DMXL1: variants seen among roughly 807,000 people sequenced by gnomAD.
DMXL1 encodes Dmx like 1.
In DMXL1, 99 loss-of-function variants were observed where a neutral mutation model predicts 319.2. The observed-to-expected ratio is 0.31, with a 90% CI of 0.26 to 0.37. DMXL1 has a LOEUF of 0.37. Ranked by LOEUF, DMXL1 falls within the 10% of genes least tolerant of loss-of-function variation. DMXL1 has a pLI of 1.00. For synonymous variants in DMXL1, 1,385 were observed against 1,235.2 expected, an observed-to-expected ratio of 1.12 and a Z score of -2.54; for missense variants, 3,745 against 3,595.6, an observed-to-expected ratio of 1.04 and a Z score of -1.06.
At chr5:119,120,816 TGTTTTTACATATAAAATGTTAAAAGGC>T (rs1386046505) in intron 8 of DMXL1, among the ~76,000 whole-genome samples, 128 bp from the exon 9 acceptor site, 2 of 152,244 alleles carry the variant, frequency 1.3e-5, no homozygotes, top group Non-Finnish European at 2.9e-5. Context: ...TATTGAAAGG[TGTTTTTACATATAAAATGTTAAAAGGC>T]GTTTTTACAT....
chr5:119,130,222 A>G (rs1001352875), intron 10 of DMXL1, among the ~76,000 whole-genome samples: 7 of 152,198 alleles, frequency 4.6e-5, no homozygotes, highest in African/African-American at 1.7e-4. Flanking sequence ...TTTGATAAGT[A>G]TCCTTCCAGT....
rs192620323 is a variant in DMXL1 at position 119,229,602 on chromosome 5, A to T, written c.8339-3738A>T. Among the ~76,000 whole-genome samples the T allele has an allele frequency of 2.1e-3, 315 of 152,326 alleles. 1 individual carries two copies. Among genetic ancestry groups the T allele is most frequent in the African/African-American group, 7.0e-3 (289 of 41,582 alleles). On this transcript the variant is annotated intron_variant, in intron 38 of 43. Transcript: ENST00000539542. ...AACAGTCTGCTTTAGGACAAAAATT[A>T]TTCTTTTTCCCATAAGAAAAACATC...
chr5:119,213,242 G>T (rs1263648361), intron 34 of DMXL1, among the ~76,000 whole-genome samples: 1 of 152,078 alleles, frequency 6.6e-6, no homozygotes, highest in East Asian at 1.9e-4. Flanking sequence ...CAAAATAAGT[G>T]TAGTCAGCAG....
intron 39 of DMXL1, chr5:119,237,070 A>G (rs1787891085): frequency 4.6e-6 from 1 of 216,832 alleles, no homozygotes; most frequent in Non-Finnish European, 9.1e-6. Context: ...TACAGAGAAT[A>G]TATAGACTAT....
chr5:119,196,060 A>G (rs756403813), intron 30 of DMXL1, among the ~76,000 whole-genome samples: 3 of 152,118 alleles, frequency 2.0e-5, no homozygotes, highest in Non-Finnish European at 2.9e-5. Flanking sequence ...TTATTACTAC[A>G]TACCGAAACT....
At chr5:119,095,187 C>A (rs1425749058) in intron 1 of DMXL1, among the ~76,000 whole-genome samples, 2 of 152,090 alleles carry the variant, frequency 1.3e-5, no homozygotes, top group East Asian at 3.9e-4. Context: ...TTAAAATTTA[C>A]CAAGACTACG....
At chr5:119,219,386 C>T (rs917418550) in intron 35 of DMXL1, among the ~76,000 whole-genome samples, 1 of 152,008 alleles carries the variant, frequency 6.6e-6, no homozygotes, top group African/African-American at 2.4e-5. Flanking sequence ...TTTGGGATAC[C>T]CATGGAGAAT....
At chr5:119,194,250 G>A (rs190663270) in intron 30 of DMXL1, among the ~76,000 whole-genome samples, 5 of 152,146 alleles carry the variant, frequency 3.3e-5, no homozygotes, top group African/African-American at 4.8e-5. Flanking sequence ...TGGACCATCC[G>A]TAATTTGCAT....
Position 119,247,233 on chromosome 5 carries a change from A to C in DMXL1, c.*14A>C. 3.8e-6 allele frequency: 6 copies of C among 1,583,846 alleles called. No individual in the cohort carries two copies. The highest frequency in any genetic ancestry group is 5.2e-6 in the Non-Finnish European group (6 of 1,154,644). On this transcript the variant is annotated 3_prime_UTR_variant, in exon 44 of 44. Transcript: ENST00000539542. ...TTTATGCTATAACATTTTTACAATAAGATGTACAATTTATTACCTATATGG... is the reference window on the plus strand; with the variant it reads ...TTTATGCTATAACATTTTTACAATACGATGTACAATTTATTACCTATATGG...
chr5:119,167,120 G>A (rs1773589994), intron 22 of DMXL1, among the ~76,000 whole-genome samples: 1 of 152,046 alleles, frequency 6.6e-6, no homozygotes, highest in African/African-American at 2.4e-5. Flanking sequence ...ATGAATGTTA[G>A]AAAATCCTTA....
At chr5:119,130,040 G>A (rs1289183949) in intron 10 of DMXL1, among the ~76,000 whole-genome samples, 1 of 151,974 alleles carries the variant, frequency 6.6e-6, no homozygotes, top group African/African-American at 2.4e-5. Flanking sequence ...AGAAACTGTG[G>A]TGTGCAGCTA....
At chr5:119,184,405 G>T (rs1777324166) in intron 28 of DMXL1, among the ~76,000 whole-genome samples, 2 of 152,096 alleles carry the variant, frequency 1.3e-5, no homozygotes, top group African/African-American at 4.8e-5. Flanking sequence ...CCAATCATGT[G>T]ATCTCTCTCT....
At position 119,153,101 on chromosome 5, in the gene DMXL1, C is replaced by T. The variant is rs144753521; in HGVS notation, c.4702+1065C>T. ...AACTGATTCTCCTGCCTCAGCCTCT[C>T]GAATACCTGGGACTACAGGCGCACA... On this transcript the variant is annotated intron_variant, in intron 19 of 43. Transcript: ENST00000539542. 4.5e-3 allele frequency among the ~76,000 whole-genome samples: 680 copies of T among 152,068 alleles called. 6 individuals carry two copies. Among genetic ancestry groups the T allele is most frequent in the African/African-American group, 0.016 (658 of 41,480 alleles).
At chr5:119,191,278 C>G (rs2150378231) in intron 29 of DMXL1, among the ~76,000 whole-genome samples, 1 of 152,328 alleles carries the variant, frequency 6.6e-6, no homozygotes, top group Non-Finnish European at 1.5e-5. Context: ...CCCTCACATT[C>G]TCAATTTCCA....
At position 119,146,917 on chromosome 5, in the gene DMXL1, A is replaced by C. The variant is rs1768673956; in HGVS notation, c.2650A>C (p.Met884Leu). 6.2e-7 allele frequency: 1 copy of C among 1,612,338 alleles called. No individual in the cohort carries two copies. The highest frequency in any genetic ancestry group is 8.5e-7 in the Non-Finnish European group (1 of 1,179,014). ...CTQDNRSLLH[M>L]WNLHLKSIPV... ...TCAAGACAACCGTTCACTGTTACAC[A>C]TGTGGAATTTACATCTAAAGTCAAT... Residue 884 changes from methionine to leucine, a missense_variant, in exon 16 of 44, where the codon ATG (methionine) becomes CTG (leucine). Met to Leu is a conservative substitution (Grantham distance 15). Coordinates refer to ENST00000539542, the MANE Select transcript of DMXL1 (RefSeq NM_001290321.3).
chr5:119,105,447 A>C (rs1758125955), intron 4 of DMXL1, among the ~76,000 whole-genome samples, 189 bp downstream of exon 4: 1 of 152,194 alleles, frequency 6.6e-6, no homozygotes. Flanking sequence ...GAAATGAGAG[A>C]ATGTTCTAAG....
chr5:119,078,198 T>A (rs1751420329), intron 1 of DMXL1, among the ~76,000 whole-genome samples: 2 of 152,218 alleles, frequency 1.3e-5, no homozygotes, highest in Admixed American at 6.5e-5. Context: ...AGGGCTAGTC[T>A]GGAACTTCTG....
At chr5:119,196,329 C>T (rs1453706612) in intron 30 of DMXL1, 42 bp from the exon 31 acceptor site, 4 of 1,464,974 alleles carry the variant, frequency 2.7e-6, no homozygotes, top group East Asian at 2.3e-5. Context: ...TTCTAAATCC[C>T]TATAGAAATA....
chr5:119,083,373 C>T (rs1456780748), intron 1 of DMXL1, among the ~76,000 whole-genome samples: 1 of 152,112 alleles, frequency 6.6e-6, no homozygotes, highest in Non-Finnish European at 1.5e-5. Flanking sequence ...ACATATACTA[C>T]ATTTTTTTCA....
Sources: allele counts gnomAD v4.1 joint callset (sites outside exome capture counted in the v4.1 genomes callset), GRCh38; gene constraint gnomAD v4.1.1; transcripts MANE v1.5; gene names NCBI Gene and HGNC (gene_info 2026-07-23, HGNC 2026-07-21).